TMEM181: variants seen among roughly 807,000 people sequenced by gnomAD.
TMEM181 encodes the protein G protein-coupled receptor 178.
A neutral mutation model predicts 71.9 loss-of-function variants in TMEM181; 39 were observed. That is an observed-to-expected ratio of 0.54 (90% CI 0.42 to 0.71). TMEM181 has a LOEUF of 0.71. Ranked by LOEUF, TMEM181 falls within the 30% of genes least tolerant of loss-of-function variation. TMEM181 has a pLI of 0.00. For synonymous variants in TMEM181, 245 were observed against 228.8 expected (o/e 1.07, Z -0.64); for missense variants, 595 against 583.0 (o/e 1.02, Z -0.21).
intron 10 of TMEM181, among the ~76,000 whole-genome samples, chr6:158,613,789 A>T (rs1180332024): frequency 6.6e-6 from 1 of 152,220 alleles, no homozygotes; most frequent in African/African-American, 2.4e-5. Flanking sequence ...AATACTTATA[A>T]CTAGTTTTCA....
intron 6 of TMEM181, among the ~76,000 whole-genome samples, chr6:158,598,686 T>A (rs543972670): frequency 3.3e-4 from 50 of 152,048 alleles, no homozygotes; most frequent in Middle Eastern, 3.4e-3. Flanking sequence ...TTATTTATTT[T>A]TTTTTGAGAT....
chr6:158,581,501 C>T (rs1298987821), intron 3 of TMEM181, among the ~76,000 whole-genome samples: 1 of 152,062 alleles, frequency 6.6e-6, no homozygotes, highest in South Asian at 2.1e-4. Flanking sequence ...TGCCTGTAAT[C>T]CCAGCACTTT....
intron 6 of TMEM181, among the ~76,000 whole-genome samples, chr6:158,591,349 G>T (rs1483774387): frequency 6.6e-6 from 1 of 152,026 alleles, no homozygotes; most frequent in Non-Finnish European, 1.5e-5. Flanking sequence ...GGAGCAGGTG[G>T]CCCTGGGCTG....
At chr6:158,542,570 C>T (rs9457401) in intron 1 of TMEM181, among the ~76,000 whole-genome samples, 22,846 of 152,108 alleles carry the variant, frequency 0.15, 2,290 homozygotes, top group Non-Finnish European at 0.21. Flanking sequence ...TTGGGGTAAG[C>T]GGAGCTATTG....
At chr6:158,536,887 GC>G (rs1781129301) in intron 1 of TMEM181, 2 of 1,330,806 alleles carry the variant, frequency 1.5e-6, no homozygotes, top group African/African-American at 3.0e-5. Flanking sequence ...GCGGGCAGCG[GC>G]GGGGCGGCCG....
At chr6:158,573,000 C>T (rs993474379) in intron 1 of TMEM181, among the ~76,000 whole-genome samples, 1 of 151,950 alleles carries the variant, frequency 6.6e-6, no homozygotes, top group Admixed American at 6.6e-5. Flanking sequence ...GTGTCACCCC[C>T]ATAGGCCGTG....
At chr6:158,593,606 T>C (rs937718432) in intron 6 of TMEM181, among the ~76,000 whole-genome samples, 2 of 152,236 alleles carry the variant, frequency 1.3e-5, no homozygotes, top group South Asian at 4.1e-4. Context: ...ATCAACATTG[T>C]GCTGGCAGCT....
intron 6 of TMEM181, among the ~76,000 whole-genome samples, chr6:158,601,779 G>C (rs534578526): frequency 6.7e-6 from 1 of 150,062 alleles, no homozygotes; most frequent in South Asian, 2.1e-4. Context: ...AAAAAAACAA[G>C]GCTAAAAGGA....
chr6:158,560,836 C>T (rs1456750060), intron 1 of TMEM181, among the ~76,000 whole-genome samples: 2 of 150,186 alleles, frequency 1.3e-5, no homozygotes, highest in South Asian at 2.1e-4. Context: ...TTCTTTACCT[C>T]TTTGAAGTCC....
At chr6:158,559,306 TATTC>T (rs1782022170), upstream of TMEM181, among the ~76,000 whole-genome samples, 1 of 152,230 alleles carries the variant, frequency 6.6e-6, no homozygotes, top group African/African-American at 2.4e-5. Context: ...AACTGTTCCT[TATTC>T]ATGTCCACAC....
rs1462799313 is a variant in TMEM181 at position 158,608,442 on chromosome 6, G to T, written c.783G>T (p.Val261=). 3.7e-6 allele frequency: 6 copies of T among 1,614,212 alleles called. No homozygotes were observed. The highest frequency in any genetic ancestry group is 2.2e-5 in the South Asian group (2 of 91,082). The change falls in exon 9 of 17, where the codon GTG becomes GTT. Residue 261 remains valine (V), a synonymous_variant. Transcript: ENST00000684151. ...LCALLLFWLC[V]YHGIRVQGER... ...CCCTGCTGCTCTTCTGGCTGTGCGTGTACCACGGGATTCGTGTCCAGGTGA... is the reference window on the plus strand; with the variant it reads ...CCCTGCTGCTCTTCTGGCTGTGCGTTTACCACGGGATTCGTGTCCAGGTGA...
At chr6:158,611,526 C>A in intron 10 of TMEM181, 1 of 477,624 alleles carries the variant, frequency 2.1e-6, no homozygotes, top group Non-Finnish European at 4.2e-6. Context: ...CATGGAGTTA[C>A]GAGAACTATC....
At chr6:158,624,779 G>A (rs987178562) in intron 11 of TMEM181, among the ~76,000 whole-genome samples, 5 of 152,162 alleles carry the variant, frequency 3.3e-5, no homozygotes, top group East Asian at 1.9e-4. Context: ...CCAGCCCCTC[G>A]CCCCCAGGGG....
At chr6:158,546,807 A>C (rs1412538024) in intron 1 of TMEM181, among the ~76,000 whole-genome samples, 2 of 151,892 alleles carry the variant, frequency 1.3e-5, no homozygotes, top group Non-Finnish European at 2.9e-5. Flanking sequence ...TAAAAATACA[A>C]AAATTAGCAG....
chr6:158,573,195 G>A (rs1346684344), intron 1 of TMEM181, among the ~76,000 whole-genome samples: 3 of 151,996 alleles, frequency 2.0e-5, no homozygotes, highest in African/African-American at 7.3e-5. Context: ...GTGTGTCCAC[G>A]GACCCTCTAA....
chr6:158,628,459 T>C lies in TMEM181; in HGVS notation c.1161T>C (p.Phe387=). 2 of 1,614,232 alleles carry C rather than the reference T, an allele frequency of 1.2e-6. No individual in the cohort carries two copies. Among genetic ancestry groups the C allele is most frequent in the Non-Finnish European group, 1.7e-6 (2 of 1,180,030 alleles). The stretch of plus-strand genomic sequence containing the variant: ...GGGCGCAAGTACTACAAGACAATTT[T>C]GTAGCAGAGCTGTCAACTCACTACC... The part of the protein sequence containing the change: ...RFGAQVLQDN[F]VAELSTHYQN... Residue 387 remains phenylalanine, a synonymous_variant, in exon 14 of 17, where the codon TTT becomes TTC. Transcript: ENST00000684151.
intron 6 of TMEM181, among the ~76,000 whole-genome samples, chr6:158,605,022 G>C (rs902789336): frequency 5.9e-5 from 9 of 151,620 alleles, no homozygotes; most frequent in African/African-American, 2.2e-4. Context: ...GCTGAGGTAG[G>C]AGAAGTGATT....
At chr6:158,563,961 A>T (rs1172163103) in intron 1 of TMEM181, among the ~76,000 whole-genome samples, 3 of 152,130 alleles carry the variant, frequency 2.0e-5, no homozygotes, top group Non-Finnish European at 2.9e-5. Context: ...TATTTTTAGT[A>T]GGGACACGGT....
upstream of TMEM181, among the ~76,000 whole-genome samples, chr6:158,556,546 GTTAA>G (rs1304629452): frequency 6.6e-6 from 1 of 152,198 alleles, no homozygotes; most frequent in African/African-American, 2.4e-5. Context: ...ATTGTTTTGA[GTTAA>G]TTATTCTTGG....
Sources: allele counts gnomAD v4.1 joint callset (sites outside exome capture counted in the v4.1 genomes callset), GRCh38; gene constraint gnomAD v4.1.1; transcripts MANE v1.5; gene names NCBI Gene and HGNC (gene_info 2026-07-23, HGNC 2026-07-21).